The following MTHFD1L variants were observed in gnomAD, a reference collection of about 807,000 sequenced individuals.
MTHFD1L encodes monofunctional C1-tetrahydrofolate synthase, mitochondrial.
A neutral mutation model predicts 119.5 loss-of-function variants in MTHFD1L; 81 were observed. The ratio of observed to expected loss-of-function variants is 0.68; its 90% CI spans 0.57 to 0.82. The LOEUF (loss-of-function observed/expected upper bound fraction) is 0.82. Among genes scored for constraint, MTHFD1L ranks in the 40% least tolerant of loss-of-function variants. The pLI is 0.00. For missense variants in MTHFD1L, 1,125 were observed against 1,253.4 expected (o/e 0.90, Z 1.55); for synonymous variants, 430 against 475.2 (o/e 0.90, Z 1.24).
chr6:150,998,964 G>A (rs925071856), intron 20 of MTHFD1L, among the ~76,000 whole-genome samples: 2 of 143,442 alleles, frequency 1.4e-5, no homozygotes, highest in African/African-American at 5.2e-5. Flanking sequence ...ACTCCAGCCT[G>A]GGCAAACAGA....
chr6:151,004,437 T>G (rs1324527455), intron 20 of MTHFD1L, among the ~76,000 whole-genome samples: 2 of 152,228 alleles, frequency 1.3e-5, no homozygotes, highest in Non-Finnish European at 1.5e-5. Flanking sequence ...TCTCCCTCCC[T>G]GAAGAATATC....
chr6:151,057,129 A>AG (rs1790068285), intron 26 of MTHFD1L: 1 of 895,372 alleles, frequency 1.1e-6, no homozygotes, highest in Non-Finnish European at 1.3e-6. Context: ...TGGTAATTGT[A>AG]GGCTTGCTGG....
intron 17 of MTHFD1L, among the ~76,000 whole-genome samples, chr6:150,958,525 A>G (rs1771819): frequency 0.28 from 43,173 of 152,090 alleles, 6,461 homozygotes; most frequent in East Asian, 0.49. Context: ...AATTCATACC[A>G]ATTCACATCC....
At chr6:151,004,027 AG>A (rs1423596646) in intron 20 of MTHFD1L, among the ~76,000 whole-genome samples, 6 of 124,880 alleles carry the variant, frequency 4.8e-5, no homozygotes, top group Non-Finnish European at 6.5e-5. Flanking sequence ...AAAAAAAAAA[AG>A]AGAGAGAGAG....
chr6:150,898,950 G>T (rs1418641513), intron 7 of MTHFD1L: 2 of 1,060,648 alleles, frequency 1.9e-6, no homozygotes, highest in Non-Finnish European at 2.3e-6. Flanking sequence ...TGATTCTCCT[G>T]TGAAAGGGAA....
chr6:150,866,188 G>A, intron 1 of MTHFD1L, 139 bp downstream of exon 1: 1 of 1,361,084 alleles, frequency 7.3e-7, no homozygotes, highest in East Asian at 3.0e-5. Flanking sequence ...GGGCCGGGCG[G>A]TGTGTCGGGA....
In MTHFD1L at chr6:151,086,175, C is replaced by T. The variant is rs1244096848; in HGVS notation, c.2848-6292C>T. 7.9e-5 allele frequency among the ~76,000 whole-genome samples: 12 copies of T among 152,214 alleles called. No homozygotes were observed. The East Asian group carries it at 2.3e-3, about 29-fold the overall frequency. ...TTACAGCGGTGCAGGTTCCCAGCTACCCCAAAGAAATCCCAGGAGAGTCCA... is the reference window on the plus strand; with the variant it reads ...TTACAGCGGTGCAGGTTCCCAGCTATCCCAAAGAAATCCCAGGAGAGTCCA... On this transcript the variant is annotated intron_variant, in intron 26 of 27. Transcript: ENST00000367321.
At chr6:150,977,806 A>G (rs376895754) in intron 20 of MTHFD1L, among the ~76,000 whole-genome samples, 3 of 152,096 alleles carry the variant, frequency 2.0e-5, no homozygotes, top group Non-Finnish European at 4.4e-5. Context: ...ACTGAGGGTC[A>G]CCAGCCACTG....
In MTHFD1L at chr6:151,039,717, C is replaced by A. The variant is rs566937656; in HGVS notation, c.2847+2600C>A. On this transcript the variant is annotated intron_variant, in intron 26 of 27. Transcript: ENST00000367321. This position sits in a 1 kb window ranked among gnomAD's most constrained non-coding sequence, Gnocchi z 4.4. ...GGATCACAAGGTCAGGAGTTCGAGA[C>A]CTGCCTGGCCAAAATGGTGAAACCC... 1.3e-5 allele frequency among the ~76,000 whole-genome samples: 2 copies of A among 152,198 alleles called. No homozygotes were observed. The highest frequency in any genetic ancestry group is 2.1e-4 in the South Asian group (1 of 4,822).
Position 150,926,247 on chromosome 6 carries a change from T to C in MTHFD1L, c.1208T>C (p.Leu403Pro). Residue 403 changes from leucine (L) to proline (P), a missense_variant, in exon 11 of 28, where the codon CTA (leucine) becomes CCA (proline). By Grantham distance (98) the Leu-to-Pro change is moderately conservative (BLOSUM62 -3). Around this residue, in one of 3 missense-constraint regions of MTHFD1L, gnomAD observed 1,058 missense variants for 1,151.2 expected, o/e 0.92. Transcript: ENST00000367321. This position sits in a 1 kb window ranked among gnomAD's most constrained non-coding sequence, Gnocchi z 4.3. The stretch of plus-strand genomic sequence containing the variant: ...AAAGCCAAAGTACGTTTGTCCGTGC[T>C]AGAAAGGTTAAAGGATCAAGCAGAT... ...KSKAKVRLSV[L>P]ERLKDQADGK... The C allele has an allele frequency of 6.2e-7, 1 of 1,614,142 alleles. No homozygotes were observed. The highest frequency in any genetic ancestry group is 8.5e-7 in the Non-Finnish European group (1 of 1,180,002).
At position 151,066,493 on chromosome 6, in the gene MTHFD1L, C is replaced by T. The variant is rs936644780; in HGVS notation, c.2848-25974C>T. Among the ~76,000 whole-genome samples, 24 of 145,930 alleles carry T rather than the reference C, an allele frequency of 1.6e-4. No individual in the cohort carries two copies. In the Admixed American group the frequency reaches 1.7e-3, roughly 10 times the overall value. On this transcript the variant is annotated intron_variant, in intron 26 of 27. Transcript: ENST00000367321. ...GGCAAAAGTGTCCTTTAGCCGGGTG[C>T]GGTGGCTCACACCTGTAATCCCAGC...
At chr6:150,953,618 C>T (rs1795160601) in intron 16 of MTHFD1L, among the ~76,000 whole-genome samples, 1 of 152,180 alleles carries the variant, frequency 6.6e-6, no homozygotes, top group Admixed American at 6.5e-5. Flanking sequence ...TGGAATTTAA[C>T]CTTCACATTT....
In MTHFD1L at chr6:150,949,050, C is replaced by T; in HGVS notation, c.1643C>T (p.Thr548Ile). Residue 548 changes from threonine to isoleucine, a missense_variant, in exon 16 of 28, where the codon ACT (threonine) becomes ATT (isoleucine). This residue lies in a region of MTHFD1L where 1,058 missense variants were observed against 1,151.2 expected (regional missense o/e 0.92). Transcript: ENST00000367321. ...CATTAGAAACTGGGAATAAATAAGA[C>T]TGATCCGAGCACACTGACAGAAGAG... ...ARLKKLGINK[T>I]DPSTLTEEEV... 2 of 1,613,866 alleles carry T rather than the reference C, an allele frequency of 1.2e-6. No homozygotes were observed. The highest frequency in any genetic ancestry group is 2.7e-5 in the African/African-American group (2 of 75,040).
chr6:151,081,957 A>G (rs1450877978), intron 26 of MTHFD1L, among the ~76,000 whole-genome samples: 1 of 152,096 alleles, frequency 6.6e-6, no homozygotes, highest in African/African-American at 2.4e-5. Context: ...GCTTCTCCTT[A>G]AAGGGACTAC....
chr6:150,942,460 C>T (rs1793284875), intron 13 of MTHFD1L, among the ~76,000 whole-genome samples: 2 of 152,022 alleles, frequency 1.3e-5, no homozygotes, highest in Admixed American at 1.3e-4. Context: ...AGTGTTTTAC[C>T]GTGCATATCC....
rs1778611405 is a variant in MTHFD1L, at chr6:150,867,508, C to G, written c.227+1459C>G. 3.9e-5 allele frequency among the ~76,000 whole-genome samples: 6 copies of G among 152,214 alleles called. 1 individual carries two copies. In the South Asian group the frequency reaches 1.2e-3, roughly 31 times the overall value. On this transcript the variant is annotated intron_variant, in intron 1 of 27. Transcript: ENST00000367321. The stretch of plus-strand genomic sequence containing the variant: ...TTTTAACCTGCACGTTGCTGAGACT[C>G]ATCTTACCGGTTAGAGTCTGAAGCC...
intron 19 of MTHFD1L, among the ~76,000 whole-genome samples, chr6:150,967,313 G>T (rs1319411210): frequency 6.6e-6 from 1 of 152,122 alleles, no homozygotes; most frequent in Non-Finnish European, 1.5e-5. Flanking sequence ...CTTCCTTCAG[G>T]AGCACCTGGT....
intron 8 of MTHFD1L, among the ~76,000 whole-genome samples, chr6:150,918,270 T>C (rs901060007): frequency 1.5e-4 from 23 of 152,180 alleles, no homozygotes; most frequent in African/African-American, 5.3e-4. Context: ...TTTGCCATGT[T>C]GGCCAGGCTG....
intron 1 of MTHFD1L, chr6:150,866,735 C>T (rs1359776272): frequency 1.9e-6 from 2 of 1,062,770 alleles, no homozygotes; most frequent in East Asian, 1.2e-4. Flanking sequence ...CCCCGCGCAG[C>T]TGGGTTTGCA....
Sources: gnomAD v4.1 joint callset for allele counts (sites outside exome capture counted in the v4.1 genomes callset) on GRCh38, gnomAD v4.1.1 for gene constraint, gnomAD v4.1.1 regional missense constraint, Gnocchi (gnomAD v3.1) non-coding constraint, MANE v1.5 for transcripts, NCBI Gene and HGNC (gene_info 2026-07-23, HGNC 2026-07-21) for gene names.